The following GART variants were observed in gnomAD, a reference collection of about 807,000 sequenced individuals.
GART encodes the protein phosphoribosylglycinamide formyltransferase, phosphoribosylglycinamide synthetase, phosphoribosylaminoimidazole synthetase.
Under a neutral mutation model 107.2 loss-of-function variants are expected in GART, and 43 were observed. That is an observed-to-expected ratio of 0.40 (90% CI 0.31 to 0.52). The LOEUF (loss-of-function observed/expected upper bound fraction) is 0.52. Ranked by LOEUF, GART falls within the 20% of genes least tolerant of loss-of-function variation. The pLI is 0.52. For synonymous variants in GART, 434 were observed against 427.0 expected (o/e 1.02, Z -0.20); for missense variants, 1,107 against 1,206.5 (o/e 0.92, Z 1.22).
intron 5 of GART, chr21:33,532,120 G>A: frequency 2.0e-6 from 1 of 491,518 alleles, no homozygotes; most frequent in Non-Finnish European, 3.6e-6. Flanking sequence ...AGACAACAAA[G>A]GATGTTACAA....
chr21:33,542,889 C>G, upstream of GART: 1 of 610,310 alleles, frequency 1.6e-6, no homozygotes, highest in Non-Finnish European at 2.9e-6. Context: ...ACGTCAGCAC[C>G]TCTACCCCAG....
At chr21:33,508,150 T>C (rs1464479324) in intron 18 of GART, among the ~76,000 whole-genome samples, 1 of 152,162 alleles carries the variant, frequency 6.6e-6, no homozygotes, top group Non-Finnish European at 1.5e-5. Flanking sequence ...GATATGTAAT[T>C]GCTCCTAGGA....
At chr21:33,509,945 TAAGTA>T (rs1183058420) in intron 17 of GART, 25 bp from the exon 18 acceptor site, 2 of 1,591,370 alleles carry the variant, frequency 1.3e-6, no homozygotes, top group African/African-American at 1.4e-5. Flanking sequence ...TATCCATAAA[TAAGTA>T]AAGAACAATT....
chr21:33,519,511 G>A (rs112216059), intron 14 of GART, among the ~76,000 whole-genome samples: 3 of 148,668 alleles, frequency 2.0e-5, no homozygotes, highest in African/African-American at 7.5e-5. Context: ...CCAAGATTGC[G>A]CCACTGCACT....
chr21:33,520,363 C>T lies in GART; in HGVS notation c.1702+1G>A. The T allele has an allele frequency of 6.2e-7, 1 of 1,613,676 alleles. No individual in the cohort carries two copies. Among genetic ancestry groups the T allele is most frequent in the Admixed American group, 1.7e-5 (1 of 59,990 alleles). On this transcript the variant is annotated splice_donor_variant, in intron 14 of 21. Coordinates refer to ENST00000381815, the MANE Select transcript of GART (RefSeq NM_000819.5). LOFTEE classifies it high-confidence loss of function. ...TTATTGATTAAAATGGCTGATCATA[C>T]CAAGGAGAGCACATCCAGCTTTTCC...
In GART at chr21:33,513,988, A is replaced by G. The variant is rs139734229; in HGVS notation, c.2108-2530T>C. ...ATTTTAATGTTGAAAAGTCCTGGCC[A>G]GGTGTGGTAGCTCATGCCAGTAATC... On this transcript the variant is annotated intron_variant, in intron 16 of 21. Transcript: ENST00000381815. 3.1e-3 allele frequency among the ~76,000 whole-genome samples: 473 copies of G among 152,296 alleles called. 1 individual carries two copies. Among genetic ancestry groups the G allele is most frequent in the Middle Eastern group, 0.01 (3 of 294 alleles).
intron 2 of GART, 131 bp downstream of exon 2, chr21:33,539,039 CA>C: frequency 2.6e-6 from 2 of 761,776 alleles, no homozygotes; most frequent in Non-Finnish European, 4.0e-6. Flanking sequence ...CTCGGCCTCC[CA>C]AAGTGCTGGG....
intron 4 of GART, 143 bp from the exon 5 acceptor site, chr21:33,532,599 G>T: frequency 1.5e-6 from 1 of 667,268 alleles, no homozygotes; most frequent in Non-Finnish European, 2.6e-6. Context: ...AACACATTTT[G>T]ATGTACTTCC....
intron 6 of GART, 109 bp from the exon 7 acceptor site, chr21:33,530,993 T>G (rs990370964): frequency 2.7e-6 from 2 of 738,510 alleles, no homozygotes; most frequent in Non-Finnish European, 3.6e-6. Flanking sequence ...GAAAAGTTTG[T>G]TTTTTTTTTT....
In GART at chr21:33,527,515, GA is replaced by G. The variant is rs200954187; in HGVS notation, c.1066+651del. Among the ~76,000 whole-genome samples the G allele has an allele frequency of 6.0e-5, 9 of 149,594 alleles. No individual in the cohort carries two copies. In the East Asian group the frequency reaches 1.4e-3, roughly 23 times the overall value. ...GGGTGACAGAGCTAGAGTCTATCTC[GA>G]AAAAAAAAGGAAACCCCCCAAATAC... On this transcript the variant is annotated intron_variant, in intron 10 of 21. Transcript: ENST00000381815.
chr21:33,541,604 G>C (rs980361686), intron 1 of GART, among the ~76,000 whole-genome samples: 1 of 152,234 alleles, frequency 6.6e-6, no homozygotes, highest in African/African-American at 2.4e-5. Flanking sequence ...GGCCTGGGTA[G>C]AGACGCTGCC....
chr21:33,534,559 A>G lies in GART; in HGVS notation c.416+20T>C, dbSNP rs571765364. 3 of 1,613,584 alleles carry G rather than the reference A, an allele frequency of 1.9e-6. No homozygotes were observed. Among genetic ancestry groups the G allele is most frequent in the Non-Finnish European group, 2.5e-6 (3 of 1,179,782 alleles). ...TATCAAAACTAAACAACTGTCCTTCACAGACAACCATTTACCTACCTCAAA... is the reference window on the plus strand; with the variant it reads ...TATCAAAACTAAACAACTGTCCTTCGCAGACAACCATTTACCTACCTCAAA... On this transcript the variant is annotated intron_variant, in intron 4 of 21. Transcript: ENST00000381815.
At chr21:33,512,289 G>GAAAATAAAA (rs2084798600) in intron 16 of GART, among the ~76,000 whole-genome samples, 1 of 65,444 alleles carries the variant, frequency 1.5e-5, no homozygotes, top group Non-Finnish European at 2.7e-5. Context: ...GACTCAAATT[G>GAAAATAAAA]AAAAAAAAAA....
At position 33,524,935 on chromosome 21, in the gene GART, T is replaced by A; in HGVS notation, c.1132A>T (p.Lys378Ter). Residue 378 changes from lysine (K) to a stop codon, truncating the protein, a stop_gained, in exon 11 of 22, where the codon AAA becomes TAA. Coordinates refer to ENST00000381815, the MANE Select transcript of GART (RefSeq NM_000819.5). LOFTEE classifies it high-confidence loss of function. ...FHAGTALKNG[K>*]VVTHGGRVLA... ...ACTCTACCCCCATGAGTTACTACTTTGCCATTTTTGAGGGCAGTGCCTGCA... is the reference window on the plus strand; with the variant it reads ...ACTCTACCCCCATGAGTTACTACTTAGCCATTTTTGAGGGCAGTGCCTGCA... 1 of 1,614,228 alleles carries A rather than the reference T, an allele frequency of 6.2e-7. No homozygotes were observed. Among genetic ancestry groups the A allele is most frequent in the Non-Finnish European group, 8.5e-7 (1 of 1,180,038 alleles).
intron 5 of GART, chr21:33,531,888 T>A (rs1013622636): frequency 1.7e-4 from 50 of 287,494 alleles, no homozygotes; most frequent in African/African-American, 9.0e-4. Context: ...TAATTATACA[T>A]GTTTGGCTGT....
At chr21:33,506,822 A>G (rs1200189801) in intron 18 of GART, among the ~76,000 whole-genome samples, 1 of 152,206 alleles carries the variant, frequency 6.6e-6, no homozygotes. Flanking sequence ...AAAGGTGCTC[A>G]ACATCATTAT....
intron 19 of GART, 90 bp from the exon 20 acceptor site, chr21:33,505,792 C>A: frequency 1.5e-6 from 2 of 1,362,192 alleles, no homozygotes; most frequent in Admixed American, 2.4e-5. Context: ...TACTTCACTT[C>A]CTTGTAAAGA....
chr21:33,517,965 T>C (rs904104557), intron 14 of GART, among the ~76,000 whole-genome samples: 5 of 152,236 alleles, frequency 3.3e-5, no homozygotes, highest in Non-Finnish European at 7.3e-5. Context: ...CAGTCCATTT[T>C]TCAGGTGATG....
At chr21:33,520,277 G>T in intron 14 of GART, 87 bp downstream of exon 14, 1 of 1,099,602 alleles carries the variant, frequency 9.1e-7, no homozygotes, top group Non-Finnish European at 1.4e-6. Context: ...TCTCTTGCTA[G>T]CTACATTGGC....
Sources: allele counts gnomAD v4.1 joint callset (sites outside exome capture counted in the v4.1 genomes callset), GRCh38; gene constraint gnomAD v4.1.1; transcripts MANE v1.5; gene names NCBI Gene and HGNC (gene_info 2026-07-23, HGNC 2026-07-21).